Variants in PLA2G4A observed in about 807,000 individuals in gnomAD.
PLA2G4A encodes the protein phospholipase A2 group IVA, also known as cytosolic phospholipase A2.
A neutral mutation model predicts 81.9 loss-of-function variants in PLA2G4A; 40 were observed. That is an observed-to-expected ratio of 0.49 (90% confidence interval 0.38 to 0.64). The LOEUF (loss-of-function observed/expected upper bound fraction) is 0.64. Ranked by LOEUF, PLA2G4A falls within the 30% of genes least tolerant of loss-of-function variation. The probability of loss-of-function intolerance (pLI) is 0.00; values close to 1 mark genes in which losing one functional copy is unlikely to be tolerated. For missense variants in PLA2G4A, 715 were observed against 905.1 expected (o/e 0.79, Z 2.69); for synonymous variants, 302 against 296.9 (o/e 1.02, Z -0.18).
chr1:186,839,301 G>T (rs969955799), intron 1 of PLA2G4A, among the ~76,000 whole-genome samples: 11 of 152,134 alleles, frequency 7.2e-5, no homozygotes, highest in Non-Finnish European at 1.3e-4. Flanking sequence ...ACACTAAGTA[G>T]CTGCTTCTTT....
intron 4 of PLA2G4A, among the ~76,000 whole-genome samples, chr1:186,893,620 C>A (rs1247584562): frequency 1.3e-5 from 2 of 151,960 alleles, no homozygotes; most frequent in Non-Finnish European, 2.9e-5. Context: ...TATCTTATAG[C>A]AAACACAGTA....
chr1:186,884,912 G>A (rs1347656377), intron 3 of PLA2G4A, among the ~76,000 whole-genome samples: 2 of 151,422 alleles, frequency 1.3e-5, no homozygotes, highest in Non-Finnish European at 2.9e-5. Flanking sequence ...AAAAAAAGAA[G>A]GAATAAGCTC....
chr1:186,844,085 A>C (rs140847452), intron 1 of PLA2G4A, among the ~76,000 whole-genome samples: 1 of 152,322 alleles, frequency 6.6e-6, no homozygotes, highest in Non-Finnish European at 1.5e-5. Context: ...GTTCCATACC[A>C]TTGGGTTCCA....
intron 1 of PLA2G4A, among the ~76,000 whole-genome samples, chr1:186,851,514 A>G (rs113271753): frequency 1.0e-3 from 153 of 152,130 alleles, no homozygotes; most frequent in Non-Finnish European, 1.1e-3. Flanking sequence ...TGACTTGGGA[A>G]CGGATGTAGT....
chr1:186,959,730 A>G (rs1360959867), intron 14 of PLA2G4A, among the ~76,000 whole-genome samples: 3 of 152,154 alleles, frequency 2.0e-5, no homozygotes, highest in Non-Finnish European at 2.9e-5. Context: ...TAGAATAATC[A>G]TATGTTTGGA....
chr1:186,844,965 T>A (rs1652120297), intron 1 of PLA2G4A, among the ~76,000 whole-genome samples: 1 of 152,088 alleles, frequency 6.6e-6, no homozygotes, highest in Admixed American at 6.5e-5. Flanking sequence ...ATCCCCCAAC[T>A]TTGGGAGGCC....
At chr1:186,909,596 GT>G (rs1654868309) in intron 6 of PLA2G4A, among the ~76,000 whole-genome samples, 1 of 145,894 alleles carries the variant, frequency 6.9e-6, no homozygotes. Context: ...GGAGGCGGAG[GT>G]TGTGGTGAGC....
chr1:186,837,306 G>C (rs2102000317), intron 1 of PLA2G4A, among the ~76,000 whole-genome samples: 1 of 152,190 alleles, frequency 6.6e-6, no homozygotes, highest in East Asian at 1.9e-4. Context: ...CTGGATACAG[G>C]GTAAGCAAAT....
At chr1:186,845,026 A>G (rs1163796587) in intron 1 of PLA2G4A, among the ~76,000 whole-genome samples, 2 of 152,148 alleles carry the variant, frequency 1.3e-5, no homozygotes, top group African/African-American at 4.8e-5. Context: ...CCTGGCCAAC[A>G]TGGTGAAAAC....
At chr1:186,872,859 G>A (rs1294048065) in intron 3 of PLA2G4A, among the ~76,000 whole-genome samples, 1 of 152,066 alleles carries the variant, frequency 6.6e-6, no homozygotes. Context: ...ACACAGATTA[G>A]ACTCTTAATT....
chr1:186,904,861 T>A (rs113387300), intron 5 of PLA2G4A, among the ~76,000 whole-genome samples: 79 of 30,642 alleles, frequency 2.6e-3, no homozygotes, highest in African/African-American at 7.4e-3. Context: ...ATATATATAT[T>A]TTTTTTTTTG....
chr1:186,829,769 G>T (rs189326010), intron 1 of PLA2G4A, among the ~76,000 whole-genome samples: 80 of 152,236 alleles, frequency 5.3e-4, no homozygotes, highest in Non-Finnish European at 1.1e-3. Context: ...AGTATCAGTG[G>T]ATGAATGTAT....
intron 2 of PLA2G4A, among the ~76,000 whole-genome samples, chr1:186,862,217 T>G (rs1652828880): frequency 9.0e-6 from 1 of 111,126 alleles, no homozygotes; most frequent in African/African-American, 3.7e-5. Flanking sequence ...CTCTTTTAGT[T>G]ATGAACTTTT....
chr1:186,974,692 C>A (rs922162035), intron 15 of PLA2G4A, among the ~76,000 whole-genome samples: 3 of 152,146 alleles, frequency 2.0e-5, no homozygotes, highest in Non-Finnish European at 4.4e-5. Context: ...TCCGGCATAT[C>A]GCTGTAATTT....
At chr1:186,857,114 TATA>T (rs1160360207) in intron 2 of PLA2G4A, among the ~76,000 whole-genome samples, 15 of 22,578 alleles carry the variant, frequency 6.6e-4, no homozygotes, top group African/African-American at 3.0e-3. Flanking sequence ...TATATAATTA[TATA>T]ATATTCTATA....
rs1657958807 is a variant in PLA2G4A, at chr1:186,988,358, C to T, written c.2119-19C>T. On this transcript the variant is annotated intron_variant, in intron 17 of 17. Coordinates refer to ENST00000367466, the MANE Select transcript of PLA2G4A (RefSeq NM_024420.3). ...GTTCATAGCAGCGCTAATTATACAACTTCTGTCTCTATTTGCAGGTGATAA... is the reference window on the plus strand; with the variant it reads ...GTTCATAGCAGCGCTAATTATACAATTTCTGTCTCTATTTGCAGGTGATAA... The T allele has an allele frequency of 3.7e-6, 6 of 1,600,418 alleles. No homozygotes were observed. In the Admixed American group the frequency reaches 8.3e-5, roughly 22 times the overall value.
intron 14 of PLA2G4A, among the ~76,000 whole-genome samples, chr1:186,958,532 G>A (rs746842069): frequency 3.3e-5 from 5 of 152,116 alleles, no homozygotes; most frequent in African/African-American, 4.8e-5. Context: ...TATAGAAAGC[G>A]AAGATCAAAG....
chr1:186,905,603 A>C (rs1276405178), intron 5 of PLA2G4A, among the ~76,000 whole-genome samples: 2 of 152,080 alleles, frequency 1.3e-5, no homozygotes, highest in Admixed American at 6.6e-5. Flanking sequence ...TATATATAGG[A>C]ACTGTTTTCT....
intron 2 of PLA2G4A, among the ~76,000 whole-genome samples, chr1:186,868,514 G>C (rs1653119872): frequency 6.6e-6 from 1 of 152,138 alleles, no homozygotes; most frequent in Non-Finnish European, 1.5e-5. Flanking sequence ...TTTGGAATTA[G>C]GGTAATGGTG....
Sources: gnomAD v4.1 joint callset for allele counts (sites outside exome capture counted in the v4.1 genomes callset) on GRCh38, gnomAD v4.1.1 for gene constraint, MANE v1.5 for transcripts, NCBI Gene and HGNC (gene_info 2026-07-23, HGNC 2026-07-21) for gene names.